SBF2: variants seen among roughly 807,000 people sequenced by gnomAD.
SBF2 encodes the protein SET binding factor 2.
In SBF2, 112 loss-of-function variants were observed where a neutral mutation model predicts 225.2. The ratio of observed to expected loss-of-function variants is 0.50; its 90% confidence interval spans 0.43 to 0.58. The LOEUF is 0.58. Among genes scored for constraint, SBF2 ranks in the 20% least tolerant of loss-of-function variants. The pLI, the probability that SBF2 is intolerant of heterozygous loss-of-function variation, is 0.00. For missense variants in SBF2, 1,996 were observed against 2,206.2 expected (o/e 0.90, Z 1.91); for synonymous variants, 763 against 773.3 (o/e 0.99, Z 0.22).
chr11:9,875,489 G>T (rs1482723594), intron 17 of SBF2, among the ~76,000 whole-genome samples: 1 of 152,176 alleles, frequency 6.6e-6, no homozygotes, highest in African/African-American at 2.4e-5. Context: ...GTTACTGCAG[G>T]CCTGAGGATA....
At chr11:9,872,061 A>T (rs1004529123) in intron 17 of SBF2, among the ~76,000 whole-genome samples, 1 of 152,246 alleles carries the variant, frequency 6.6e-6, no homozygotes, top group African/African-American at 2.4e-5. Flanking sequence ...AAAAACATGG[A>T]ATCAACCCAA....
At chr11:10,076,504 G>A (rs899154647) in intron 2 of SBF2, among the ~76,000 whole-genome samples, 2 of 152,196 alleles carry the variant, frequency 1.3e-5, no homozygotes, top group East Asian at 1.9e-4. Context: ...GGCACTACCC[G>A]TTTGCAGCAT....
intron 2 of SBF2, among the ~76,000 whole-genome samples, chr11:10,073,004 T>C (rs2134819968): frequency 6.6e-6 from 1 of 152,210 alleles, no homozygotes; most frequent in Non-Finnish European, 1.5e-5. Context: ...GCAATCCGCC[T>C]GCCTTGGCAT....
At chr11:10,294,267 G>A (rs774532664), upstream of SBF2, 162 of 387,990 alleles carry the variant, frequency 4.2e-4, no homozygotes, top group Admixed American at 6.6e-4. Context: ...CCCCACCCGC[G>A]CTGGCTCGGC....
intron 16 of SBF2, among the ~76,000 whole-genome samples, chr11:9,956,245 GATGT>G (rs1319395562): frequency 1.3e-5 from 2 of 152,098 alleles, no homozygotes; most frequent in African/African-American, 4.8e-5. Flanking sequence ...CATGTCTCTT[GATGT>G]ATGTGGGCAA....
intron 1 of SBF2, among the ~76,000 whole-genome samples, chr11:10,222,969 C>T (rs768210695): frequency 2.0e-5 from 3 of 151,838 alleles, no homozygotes; most frequent in Non-Finnish European, 4.4e-5. Context: ...TTAATTTATG[C>T]TACATCTTCA....
At chr11:10,048,382 A>G (rs1038652499) in intron 2 of SBF2, among the ~76,000 whole-genome samples, 1 of 152,214 alleles carries the variant, frequency 6.6e-6, no homozygotes, top group Admixed American at 6.5e-5. Context: ...TACTGTGAGT[A>G]AAACTGCTTG....
intron 2 of SBF2, among the ~76,000 whole-genome samples, chr11:10,067,537 C>CA (rs1050102185): frequency 2.6e-5 from 4 of 151,122 alleles, no homozygotes; most frequent in Non-Finnish European, 4.4e-5. Context: ...CAACATTAAC[C>CA]AAAAAAACAA....
intron 16 of SBF2, among the ~76,000 whole-genome samples, chr11:9,904,289 T>C (rs1368323410): frequency 1.3e-5 from 2 of 152,004 alleles, no homozygotes; most frequent in African/African-American, 4.8e-5. Flanking sequence ...CAAAAGAAGT[T>C]GGGGTAGCTA....
At chr11:10,260,915 G>A (rs1273590665) in intron 1 of SBF2, among the ~76,000 whole-genome samples, 2 of 150,394 alleles carry the variant, frequency 1.3e-5, no homozygotes, top group Non-Finnish European at 3.0e-5. Context: ...GGGAGGGAGA[G>A]AGGGAGAAAA....
Position 9,787,744 on chromosome 11 carries a change from A to C in SBF2, c.4933-6T>G. The C allele has an allele frequency of 6.2e-7, 1 of 1,611,766 alleles. No individual in the cohort carries two copies. Among genetic ancestry groups the C allele is most frequent in the Non-Finnish European group, 8.5e-7 (1 of 1,177,884 alleles). ...TGCTCCAATTTTTCAATTTCCTGCA[A>C]AGAAATTAAAAGTTTTCTGATCAGT... On this transcript the variant is annotated splice_region_variant and splice_polypyrimidine_tract_variant and intron_variant, in intron 35 of 39. Transcript: ENST00000256190.
At chr11:9,994,487 A>G (rs1432894859) in intron 9 of SBF2, among the ~76,000 whole-genome samples, 2 of 150,302 alleles carry the variant, frequency 1.3e-5, no homozygotes, top group African/African-American at 4.9e-5. Flanking sequence ...AAAAAAAAAA[A>G]GAAAAGAAAA....
In SBF2 at chr11:9,927,010, G is replaced by T. The variant is rs184676095; in HGVS notation, c.1861-30999C>A. 2.5e-3 allele frequency among the ~76,000 whole-genome samples: 382 copies of T among 152,100 alleles called. 1 individual carries two copies. The highest frequency in any genetic ancestry group is 8.7e-3 in the African/African-American group (360 of 41,522). ...ATAACTCTCTAGCTTGACTGAACAGGATAAAAAGGGGAGACAACACATTTT... is the reference window on the plus strand; with the variant it reads ...ATAACTCTCTAGCTTGACTGAACAGTATAAAAAGGGGAGACAACACATTTT... On this transcript the variant is annotated intron_variant, in intron 16 of 39. Transcript: ENST00000256190.
intron 16 of SBF2, among the ~76,000 whole-genome samples, chr11:9,897,037 A>G (rs1861324018): frequency 6.6e-6 from 1 of 152,190 alleles, no homozygotes; most frequent in South Asian, 2.1e-4. Context: ...ATAATGGAAA[A>G]CAAGAACTCA....
chr11:10,174,308 G>T (rs1183090914), intron 2 of SBF2, among the ~76,000 whole-genome samples: 1 of 152,126 alleles, frequency 6.6e-6, no homozygotes, highest in Non-Finnish European at 1.5e-5. Context: ...ATACAGAGAA[G>T]TGCTTAAAGG....
chr11:9,888,347 T>G (rs7130478), intron 17 of SBF2, among the ~76,000 whole-genome samples: 28,237 of 151,606 alleles, frequency 0.19, 2,979 homozygotes, highest in Middle Eastern at 0.23. Context: ...AGAAAAAAAT[T>G]TTTTTAAATT....
chr11:9,907,388 G>A (rs1342073226), intron 16 of SBF2, among the ~76,000 whole-genome samples: 1 of 152,142 alleles, frequency 6.6e-6, no homozygotes, highest in East Asian at 1.9e-4. Context: ...TAATACGGTT[G>A]AGGAAGCCCA....
intron 21 of SBF2, 121 bp downstream of exon 21, chr11:9,852,555 A>AG: frequency 1.3e-6 from 1 of 771,694 alleles, no homozygotes; most frequent in South Asian, 1.4e-5. Flanking sequence ...TTAACATATC[A>AG]TTAAAACTGG....
At chr11:10,296,793 A>C (rs1430447858), upstream of SBF2, among the ~76,000 whole-genome samples, 1 of 152,180 alleles carries the variant, frequency 6.6e-6, no homozygotes, top group Non-Finnish European at 1.5e-5. Context: ...TGTTTTCCAC[A>C]GTGGCTGCAT....
Sources: allele counts gnomAD v4.1 joint callset (sites outside exome capture counted in the v4.1 genomes callset), GRCh38; gene constraint gnomAD v4.1.1; transcripts MANE v1.5; gene names NCBI Gene and HGNC (gene_info 2026-07-23, HGNC 2026-07-21).